MAML2: variants seen among roughly 807,000 people sequenced by gnomAD.
The protein encoded by MAML2 is mastermind like transcriptional coactivator 2.
Under a neutral mutation model 96.1 loss-of-function variants are expected in MAML2, and 22 were observed. The observed-to-expected ratio is 0.23, with a 90% confidence interval of 0.16 to 0.33. The LOEUF (loss-of-function observed/expected upper bound fraction) is 0.33, where lower values mean the gene tolerates loss of function less well. Ranked by LOEUF, MAML2 falls within the 10% of genes least tolerant of loss-of-function variation. MAML2 has a pLI of 1.00. For synonymous variants in MAML2, 561 were observed against 521.3 expected, an observed-to-expected ratio of 1.08 and a Z score of -1.04; for missense variants, 1,367 against 1,392.4, an observed-to-expected ratio of 0.98 and a Z score of 0.29.
intron 2 of MAML2, among the ~76,000 whole-genome samples, chr11:96,007,728 A>G (rs1224618832): frequency 6.6e-6 from 1 of 152,102 alleles, no homozygotes; most frequent in Non-Finnish European, 1.5e-5. Flanking sequence ...ATTTATAATT[A>G]CTTAGATATT....
intron 2 of MAML2, among the ~76,000 whole-genome samples, chr11:96,073,617 G>A (rs892111957): frequency 3.3e-5 from 5 of 152,138 alleles, no homozygotes; most frequent in South Asian, 4.1e-4. Flanking sequence ...AATTAAAGGA[G>A]TCATGGCAGC....
At chr11:96,098,430 T>C (rs1249404807) in intron 1 of MAML2, among the ~76,000 whole-genome samples, 1 of 152,184 alleles carries the variant, frequency 6.6e-6, no homozygotes, top group African/African-American at 2.4e-5. Context: ...GAGAAGCATT[T>C]TTTATTTTGC....
chr11:96,082,451 T>C (rs1305579096), intron 2 of MAML2, among the ~76,000 whole-genome samples: 1 of 151,566 alleles, frequency 6.6e-6, no homozygotes, highest in East Asian at 1.9e-4. Context: ...ATGGAGAGAG[T>C]GAAGGGCTGG....
At position 96,342,701 on chromosome 11, in the gene MAML2, A is replaced by G. The variant is rs1864016264; in HGVS notation, c.-806T>C. The G allele has an allele frequency of 8.8e-6, 3 of 342,098 alleles. No individual in the cohort carries two copies. Among genetic ancestry groups the G allele is most frequent in the South Asian group, 1.5e-4 (1 of 6,522 alleles). The allele number at this position is 342,098 out of a possible 1,614,324, so 21.2% of individuals were successfully genotyped here. A position where few individuals can be genotyped will look rare whatever the true frequency, so the allele number is the denominator to read the frequency against. On this transcript the variant is annotated 5_prime_UTR_variant, in exon 1 of 5. Transcript: ENST00000524717. ...CATGCTTTTTTCTTCAGCTAATCCA[A>G]TCACCGGTAAAATCCTCACTCCCTC...
rs1473624396 is a variant in MAML2 at position 95,979,595 on chromosome 11, G to A, written c.2824C>T (p.His942Tyr). ...NSQQLRPNLTHSMASMPPQRT... is the reference protein window; with the variant it reads ...NSQQLRPNLTYSMASMPPQRT... Reference sequence around the variant, plus strand: ...TGTGGTGGCATGCTTGCCATACTATGGGTTAAATTTGGTCTCAATTGTTGT... The same window carrying A: ...TGTGGTGGCATGCTTGCCATACTATAGGTTAAATTTGGTCTCAATTGTTGT... Residue 942 changes from histidine (H) to tyrosine (Y), a missense_variant, in exon 5 of 5, where the codon CAT (histidine) becomes TAT (tyrosine). His to Tyr is a moderately conservative substitution (Grantham distance 83). Coordinates refer to ENST00000524717, the MANE Select transcript of MAML2 (RefSeq NM_032427.4). The A allele has an allele frequency of 6.2e-7, 1 of 1,613,766 alleles. No individual in the cohort carries two copies. The highest frequency in any genetic ancestry group is 8.5e-7 in the Non-Finnish European group (1 of 1,179,866).
intron 1 of MAML2, among the ~76,000 whole-genome samples, chr11:96,279,364 T>C (rs1863033745): frequency 6.6e-6 from 1 of 152,246 alleles, no homozygotes; most frequent in Non-Finnish European, 1.5e-5. Flanking sequence ...TTCCCATTGC[T>C]GGAGTGGGTC....
chr11:96,233,304 C>A (rs1445200168), intron 1 of MAML2, among the ~76,000 whole-genome samples: 1 of 151,750 alleles, frequency 6.6e-6, no homozygotes, highest in Non-Finnish European at 1.5e-5. Flanking sequence ...CTCTAAAAAA[C>A]AATCTTCACA....
chr11:96,197,692 C>A (rs956813361), intron 1 of MAML2, among the ~76,000 whole-genome samples: 1 of 152,196 alleles, frequency 6.6e-6, no homozygotes, highest in Non-Finnish European at 1.5e-5. Context: ...GGATACCAGA[C>A]CCTACCTACT....
chr11:96,290,534 A>G (rs1250509656), intron 1 of MAML2, among the ~76,000 whole-genome samples: 1 of 152,240 alleles, frequency 6.6e-6, no homozygotes, highest in Non-Finnish European at 1.5e-5. Flanking sequence ...CAAGATTTCA[A>G]GATCTCATAT....
At chr11:96,162,020 GA>G (rs1344593050) in intron 1 of MAML2, among the ~76,000 whole-genome samples, 1 of 152,024 alleles carries the variant, frequency 6.6e-6, no homozygotes, top group African/African-American at 2.4e-5. Context: ...TTCAGCTCTT[GA>G]AAACATGTTT....
intron 2 of MAML2, among the ~76,000 whole-genome samples, chr11:96,004,640 A>C (rs568450526): frequency 6.6e-6 from 1 of 152,172 alleles, no homozygotes; most frequent in African/African-American, 2.4e-5. Context: ...TGTAGTTAGA[A>C]TGTCTGTGTG....
intron 1 of MAML2, among the ~76,000 whole-genome samples, chr11:96,207,904 T>C (rs1431640687): frequency 1.3e-5 from 2 of 152,182 alleles, no homozygotes; most frequent in African/African-American, 4.8e-5. Flanking sequence ...CAAAGAACTT[T>C]TTTTTAAGCC....
chr11:96,032,684 A>G (rs1308999639), intron 2 of MAML2, among the ~76,000 whole-genome samples: 1 of 152,148 alleles, frequency 6.6e-6, no homozygotes, highest in Non-Finnish European at 1.5e-5. Flanking sequence ...ACTATCATAG[A>G]TTCATACAAT....
chr11:96,286,776 G>C (rs1346865134), intron 1 of MAML2, among the ~76,000 whole-genome samples: 2 of 152,096 alleles, frequency 1.3e-5, no homozygotes, highest in Non-Finnish European at 1.5e-5. Context: ...GAGGATGAAA[G>C]ATAATTTTTT....
In MAML2 at chr11:95,979,662, A is replaced by G. The variant is rs1324565806; in HGVS notation, c.2757T>C (p.Asn919=). Residue 919 remains asparagine, a synonymous_variant, in exon 5 of 5, where the codon AAT becomes AAC. Coordinates refer to ENST00000524717, the MANE Select transcript of MAML2 (RefSeq NM_032427.4). ...PRPPTLGPSN[N]NNVATFGAGS... ...CAGCTCCAAAAGTGGCTACATTGTTATTATTACTTGGCCCTAAGGTAGGTG... is the reference window on the plus strand; with the variant it reads ...CAGCTCCAAAAGTGGCTACATTGTTGTTATTACTTGGCCCTAAGGTAGGTG... 1.2e-6 allele frequency: 2 copies of G among 1,613,780 alleles called. No individual in the cohort carries two copies.
At chr11:96,244,808 A>G (rs553916205) in intron 1 of MAML2, among the ~76,000 whole-genome samples, 2 of 152,202 alleles carry the variant, frequency 1.3e-5, no homozygotes, top group African/African-American at 2.4e-5. Context: ...TCATCCATCT[A>G]TCCGTCTGTC....
At chr11:96,105,776 T>A (rs1264193739) in intron 1 of MAML2, among the ~76,000 whole-genome samples, 1 of 152,100 alleles carries the variant, frequency 6.6e-6, no homozygotes, top group Non-Finnish European at 1.5e-5. Flanking sequence ...TTCACTCCAG[T>A]CTATGTTTAT....
At chr11:96,022,346 T>C (rs1858449454) in intron 2 of MAML2, among the ~76,000 whole-genome samples, 2 of 152,236 alleles carry the variant, frequency 1.3e-5, no homozygotes, top group South Asian at 4.1e-4. Flanking sequence ...TTTCTCATTA[T>C]GCCCTGAATC....
intron 2 of MAML2, among the ~76,000 whole-genome samples, chr11:96,018,991 T>G (rs574152725): frequency 6.6e-6 from 1 of 152,162 alleles, no homozygotes; most frequent in Non-Finnish European, 1.5e-5. Context: ...GTGATTGAAA[T>G]GAGTTTGAGA....
Sources: allele counts gnomAD v4.1 joint callset (sites outside exome capture counted in the v4.1 genomes callset), GRCh38; gene constraint gnomAD v4.1.1; transcripts MANE v1.5; gene names NCBI Gene and HGNC (gene_info 2026-07-23, HGNC 2026-07-21).